The following KDM5B variants were observed in gnomAD, a reference collection of about 807,000 sequenced individuals.
The protein encoded by KDM5B is lysine demethylase 5B, also known as lysine-specific demethylase 5B.
KDM5B carries 144 observed loss-of-function variants against 193.4 expected under a neutral mutation model. That is an observed-to-expected ratio of 0.74 (90% confidence interval 0.65 to 0.86). KDM5B has a LOEUF of 0.86. Ranked by LOEUF, KDM5B falls within the 40% of genes least tolerant of loss-of-function variation. The pLI, the probability that KDM5B is intolerant of heterozygous loss-of-function variation, is 0.00. For missense variants in KDM5B, 1,833 were observed against 1,886.9 expected (o/e 0.97, Z 0.53); for synonymous variants, 668 against 682.6 (o/e 0.98, Z 0.33).
chr1:202,794,231 G>T (rs1657749419), intron 1 of KDM5B, among the ~76,000 whole-genome samples: 1 of 152,194 alleles, frequency 6.6e-6, no homozygotes, highest in Non-Finnish European at 1.5e-5. Flanking sequence ...GTCACCAAAT[G>T]ATGAGTTGGT....
chr1:202,808,397 G>C lies in KDM5B; in HGVS notation c.-92C>G, dbSNP rs1249631856. The C allele has an allele frequency of 3.3e-6, 4 of 1,203,646 alleles. No individual in the cohort carries two copies. Among genetic ancestry groups the C allele is most frequent in the South Asian group, 1.6e-5 (1 of 63,796 alleles). 74.6% of individuals were successfully genotyped at this position (1,203,646 alleles called of 1,614,324 possible). On this transcript the variant is annotated 5_prime_UTR_variant, in exon 1 of 27. Coordinates refer to ENST00000367265, the MANE Select transcript of KDM5B (RefSeq NM_006618.5). ...TCCGAGACCCGTGCAGACGCGGCTC[G>C]AGCAACAGCAAGTCCGAGTTGTACG...
intron 7 of KDM5B, 65 bp downstream of exon 7, chr1:202,762,634 G>A: frequency 1.1e-6 from 1 of 912,404 alleles, no homozygotes; most frequent in South Asian, 1.3e-5. Flanking sequence ...GGGTAAAGGG[G>A]ATTAAAGAAA....
chr1:202,764,330 A>T (rs1181765307), intron 5 of KDM5B, among the ~76,000 whole-genome samples, 185 bp from the exon 6 acceptor site: 2 of 152,160 alleles, frequency 1.3e-5, no homozygotes, highest in Non-Finnish European at 2.9e-5. Flanking sequence ...AGCATGAATG[A>T]GAAATTTAAA....
intron 1 of KDM5B, among the ~76,000 whole-genome samples, chr1:202,778,972 G>A (rs1657079782): frequency 1.3e-5 from 2 of 152,110 alleles, no homozygotes; most frequent in Admixed American, 6.6e-5. Context: ...ATGTTAAGGG[G>A]TCGGGGGGCG....
Position 202,733,700 on chromosome 1 carries a change from C to A in KDM5B, c.3610G>T (p.Val1204Leu), listed in dbSNP as rs201208270. Residue 1204 changes from valine to leucine, a missense_variant, in exon 23 of 27, where the codon GTG becomes TTG. Val to Leu is a conservative substitution (Grantham distance 32, BLOSUM62 1). Around this residue, in one of 3 missense-constraint regions of KDM5B, gnomAD observed 1,379 missense variants for 1,349.6 expected, o/e 1.02. Coordinates refer to ENST00000367265, the MANE Select transcript of KDM5B (RefSeq NM_006618.5). ...CCCTGTGAAATACTGGGTACCGCCA[C>A]ACAACTGGTGTGGAAAGCATCCCTG... ...LCRDAFHTSC[V>L]AVPSISQGLR... 4 of 1,614,016 alleles carry A rather than the reference C, an allele frequency of 2.5e-6. No homozygotes were observed. Among genetic ancestry groups the A allele is most frequent in the Non-Finnish European group, 3.4e-6 (4 of 1,180,030 alleles).
In KDM5B at chr1:202,746,152, A is replaced by G. The variant is rs1655548186; in HGVS notation, c.2188T>C (p.Tyr730His). ...GTTCTTCCTACTTACCGCAATTTAT[A>G]TTTGTAAGGAGGACAGGAACACAAT... ...KELCSCPPYK[Y>H]KLRYRYTLDD... The change falls in exon 15 of 27, where the codon TAT becomes CAT. Residue 730 changes from tyrosine (Y) to histidine (H), a missense_variant. Tyr to His is a moderately conservative substitution (Grantham distance 83). Transcript: ENST00000367265. 1 of 1,605,926 alleles carries G rather than the reference A, an allele frequency of 6.2e-7. No individual in the cohort carries two copies. The highest frequency in any genetic ancestry group is 8.5e-7 in the Non-Finnish European group (1 of 1,177,284).
chr1:202,774,311 C>G (rs1036880295), intron 3 of KDM5B, among the ~76,000 whole-genome samples: 3 of 152,138 alleles, frequency 2.0e-5, no homozygotes, highest in Non-Finnish European at 4.4e-5. Flanking sequence ...GTGGTGCAAT[C>G]ACAGCTCACT....
In KDM5B at chr1:202,760,628, T is replaced by C. The variant is rs191583325; in HGVS notation, c.919-55A>G. On this transcript the variant is annotated intron_variant, in intron 7 of 26. Coordinates refer to ENST00000367265, the MANE Select transcript of KDM5B (RefSeq NM_006618.5). Reference sequence around the variant, plus strand: ...AGGAACATGAGCTATTATTTGATTTTCTAAAATTCTAGAAATGAAATGGAT... The same window carrying C: ...AGGAACATGAGCTATTATTTGATTTCCTAAAATTCTAGAAATGAAATGGAT... 559 of 1,338,428 alleles carry C rather than the reference T, an allele frequency of 4.2e-4. 1 individual carries two copies. The African/African-American group carries it at 7.8e-3, about 19-fold the overall frequency. The allele number at this position is 1,338,428 out of a possible 1,614,324, so 82.9% of individuals were successfully genotyped here.
chr1:202,767,322 G>A, intron 4 of KDM5B: 1 of 1,608,972 alleles, frequency 6.2e-7, no homozygotes, highest in Admixed American at 1.7e-5. Flanking sequence ...ACGACCACTT[G>A]TTTTCCACTG....
intron 24 of KDM5B, among the ~76,000 whole-genome samples, chr1:202,731,602 C>T (rs767202970): frequency 1.3e-5 from 2 of 152,186 alleles, no homozygotes; most frequent in Non-Finnish European, 2.9e-5. Flanking sequence ...GTGGCATGAA[C>T]CCTTTCATCC....
rs2363965 is a variant in KDM5B, at chr1:202,747,003, C to A, written c.2017-680G>T. Among the ~76,000 whole-genome samples the A allele has an allele frequency of 1.6e-4, 24 of 152,114 alleles. No individual in the cohort carries two copies. The East Asian group carries it at 4.4e-3, about 28-fold the overall frequency. On this transcript the variant is annotated intron_variant, in intron 14 of 26. Coordinates refer to ENST00000367265, the MANE Select transcript of KDM5B (RefSeq NM_006618.5). ...ACATCTAGAGAACCCTTCTTGGATA[C>A]ACCTTTTGTCATTTAAAGACCAAAC...
intron 14 of KDM5B, 196 bp from the exon 15 acceptor site, chr1:202,746,519 T>G (rs769422069): frequency 2.5e-5 from 12 of 473,110 alleles, no homozygotes; most frequent in African/African-American, 2.3e-4. Flanking sequence ...TCTAGGGAGA[T>G]CTCCTTTTTC....
In KDM5B at chr1:202,760,465, G is replaced by A; in HGVS notation, c.1027C>T (p.Leu343Phe). Residue 343 changes from leucine (L) to phenylalanine (F), a missense_variant, in exon 8 of 27, where the codon CTC becomes TTC. Coordinates refer to ENST00000367265, the MANE Select transcript of KDM5B (RefSeq NM_006618.5). ...CAGTCTCCCTTGGGAACATCATGGAGAGGTGGGATCAAGCAAAAGGTATGG... is the reference window on the plus strand; with the variant it reads ...CAGTCTCCCTTGGGAACATCATGGAAAGGTGGGATCAAGCAAAAGGTATGG... ...SYHTFCLIPP[L>F]HDVPKGDWRC... 3 of 1,613,802 alleles carry A rather than the reference G, an allele frequency of 1.9e-6. No homozygotes were observed. Among genetic ancestry groups the A allele is most frequent in the Non-Finnish European group, 2.5e-6 (3 of 1,179,840 alleles).
intron 23 of KDM5B, 159 bp from the exon 24 acceptor site, chr1:202,732,098 A>T: frequency 3.5e-6 from 2 of 577,548 alleles, no homozygotes; most frequent in Non-Finnish European, 6.0e-6. Flanking sequence ...CTGGCATTTC[A>T]GAACTGGCCA....
chr1:202,738,681 G>C (rs1655186005), intron 20 of KDM5B, among the ~76,000 whole-genome samples: 8 of 152,006 alleles, frequency 5.3e-5, no homozygotes, highest in Admixed American at 5.2e-4. Context: ...CAACAAAATA[G>C]AACTTGAGAC....
chr1:202,771,003 A>G (rs1656689040), intron 4 of KDM5B, among the ~76,000 whole-genome samples: 1 of 152,210 alleles, frequency 6.6e-6, no homozygotes, highest in Non-Finnish European at 1.5e-5. Flanking sequence ...ATAAAACTAC[A>G]TTGCCTTTTT....
rs775438608 is a variant in KDM5B at position 202,808,264 on chromosome 1, C to A, written c.42G>T (p.Ala14=). 1.2e-6 allele frequency: 2 copies of A among 1,609,302 alleles called. No homozygotes were observed. The highest frequency in any genetic ancestry group is 1.3e-5 in the African/African-American group (1 of 74,778). ...ATTLHPGPRP[A]LPLGGPGPLG... ...GCGGGCCCGGGCCCCCGAGGGGCAGCGCCGGGCGCGGGCCTGGGTGCAGTG... is the reference window on the plus strand; with the variant it reads ...GCGGGCCCGGGCCCCCGAGGGGCAGAGCCGGGCGCGGGCCTGGGTGCAGTG... The change falls in exon 1 of 27, where the codon GCG becomes GCT. Residue 14 remains alanine, a synonymous_variant. Transcript: ENST00000367265.
intron 11 of KDM5B, 148 bp from the exon 12 acceptor site, chr1:202,753,215 G>A (rs996654041): frequency 1.4e-6 from 1 of 701,258 alleles, no homozygotes; most frequent in Non-Finnish European, 2.3e-6. Flanking sequence ...ATGTGAATGT[G>A]AGCCAGGTGC....
At chr1:202,775,772 C>G (rs1482523112) in intron 2 of KDM5B, among the ~76,000 whole-genome samples, 1 of 139,808 alleles carries the variant, frequency 7.2e-6, no homozygotes, top group African/African-American at 2.7e-5. Context: ...AGGAGAATCA[C>G]TTGAACCTAA....
Sources: gnomAD v4.1 joint callset for allele counts (sites outside exome capture counted in the v4.1 genomes callset) on GRCh38, gnomAD v4.1.1 for gene constraint, gnomAD v4.1.1 regional missense constraint, MANE v1.5 for transcripts, NCBI Gene and HGNC (gene_info 2026-07-23, HGNC 2026-07-21) for gene names.